Variants in NALCN observed in about 807,000 individuals in gnomAD.
NALCN encodes the protein sodium leak channel, non-selective.
Under a neutral mutation model 225.3 loss-of-function variants are expected in NALCN, and 111 were observed. That is an observed-to-expected ratio of 0.49 (90% confidence interval 0.42 to 0.58). The LOEUF (loss-of-function observed/expected upper bound fraction) is 0.58, where lower values mean the gene tolerates loss of function less well. Ranked by LOEUF, NALCN falls within the 20% of genes least tolerant of loss-of-function variation. The probability of loss-of-function intolerance (pLI) is 0.00; values close to 1 mark genes in which losing one functional copy is unlikely to be tolerated. For missense variants in NALCN, 1,378 were observed against 2,202.4 expected (o/e 0.63, Z 7.49); for synonymous variants, 764 against 769.0 (o/e 0.99, Z 0.11).
intron 9 of NALCN, among the ~76,000 whole-genome samples, chr13:101,290,621 A>G (rs907299047): frequency 6.6e-6 from 1 of 152,220 alleles, no homozygotes; most frequent in African/African-American, 2.4e-5. Context: ...TTTCATCTAT[A>G]ATGAATTGAC....
intron 40 of NALCN, among the ~76,000 whole-genome samples, chr13:101,062,438 G>A (rs909919606): frequency 1.3e-5 from 2 of 152,016 alleles, no homozygotes; most frequent in African/African-American, 4.8e-5. Context: ...GAAAAGGCTC[G>A]CGACTTTCTC....
chr13:101,165,898 G>A (rs2038415082), intron 15 of NALCN, among the ~76,000 whole-genome samples: 1 of 152,186 alleles, frequency 6.6e-6, no homozygotes, highest in African/African-American at 2.4e-5. Flanking sequence ...GAACAACAAT[G>A]GGTTTACTCC....
At chr13:101,145,989 C>T (rs2037327566) in intron 15 of NALCN, among the ~76,000 whole-genome samples, 2 of 152,092 alleles carry the variant, frequency 1.3e-5, no homozygotes, top group African/African-American at 2.4e-5. Context: ...GCTTTTAAAA[C>T]AGGAAGAGAG....
intron 15 of NALCN, among the ~76,000 whole-genome samples, chr13:101,166,062 A>G (rs905986430): frequency 2.0e-5 from 3 of 152,192 alleles, no homozygotes; most frequent in Non-Finnish European, 4.4e-5. Context: ...ATCCATGTGT[A>G]GCATGTGTCA....
At chr13:101,225,466 G>A (rs1261244685) in intron 13 of NALCN, among the ~76,000 whole-genome samples, 2 of 152,070 alleles carry the variant, frequency 1.3e-5, no homozygotes, top group East Asian at 1.9e-4. Context: ...TATAACCTCC[G>A]GGCTTGGATT....
chr13:101,300,481 C>G (rs1019615053), intron 7 of NALCN, among the ~76,000 whole-genome samples: 1 of 150,496 alleles, frequency 6.6e-6, no homozygotes, highest in African/African-American at 2.5e-5. Flanking sequence ...GATGGAGTCT[C>G]GCCCTGTCAC....
intron 10 of NALCN, among the ~76,000 whole-genome samples, chr13:101,272,123 GTGTT>G (rs756653738): frequency 2.5e-4 from 38 of 151,898 alleles, no homozygotes; most frequent in East Asian, 5.8e-4. Context: ...GTCACTGTGT[GTGTT>G]TGAGGTGTGT....
At chr13:101,228,701 T>C (rs555053830) in intron 13 of NALCN, among the ~76,000 whole-genome samples, 1 of 152,342 alleles carries the variant, frequency 6.6e-6, no homozygotes, top group South Asian at 2.1e-4. Context: ...AGTATGTCTT[T>C]ATCATCAGTG....
chr13:101,069,243 G>A (rs138425020), intron 37 of NALCN, among the ~76,000 whole-genome samples: 87 of 152,322 alleles, frequency 5.7e-4, no homozygotes, highest in African/African-American at 2.0e-3. Context: ...GGTATACCTC[G>A]GAGACATTGC....
intron 1 of NALCN, among the ~76,000 whole-genome samples, chr13:101,401,109 T>C (rs2047467039): frequency 6.6e-6 from 1 of 152,200 alleles, no homozygotes; most frequent in Non-Finnish European, 1.5e-5. Flanking sequence ...CACCTCCTAT[T>C]CCCAGAAGAA....
At chr13:101,158,022 A>C (rs1340914387) in intron 15 of NALCN, among the ~76,000 whole-genome samples, 1 of 152,126 alleles carries the variant, frequency 6.6e-6, no homozygotes, top group Non-Finnish European at 1.5e-5. Context: ...AAGTGCTGAG[A>C]TTACAGGGTG....
chr13:101,262,448 A>G (rs539603627), intron 10 of NALCN, among the ~76,000 whole-genome samples: 11 of 152,212 alleles, frequency 7.2e-5, no homozygotes, highest in African/African-American at 2.2e-4. Context: ...AGACCTATGG[A>G]AAGGAACTGA....
intron 43 of NALCN, chr13:101,057,695 T>TGCTGGCTTCTCAACCATGA: frequency 1.9e-6 from 1 of 515,368 alleles, no homozygotes. Context: ...TTTTCATAGG[T>TGCTGGCTTCTCAACCATGA]GCTGGCTTCT....
At chr13:101,252,687 A>G (rs1203798305) in intron 11 of NALCN, among the ~76,000 whole-genome samples, 1 of 152,150 alleles carries the variant, frequency 6.6e-6, no homozygotes, top group Non-Finnish European at 1.5e-5. Context: ...ATTGGAAAAC[A>G]TGACTGTCCT....
chr13:101,181,565 C>T (rs1416909646), intron 14 of NALCN, among the ~76,000 whole-genome samples: 9 of 133,546 alleles, frequency 6.7e-5, no homozygotes, highest in African/African-American at 2.7e-4. Flanking sequence ...GCAACCCTGT[C>T]TCTCAAAAAA....
chr13:101,303,714 G>A (rs1207635751), intron 7 of NALCN, among the ~76,000 whole-genome samples: 1 of 152,110 alleles, frequency 6.6e-6, no homozygotes, highest in Admixed American at 6.5e-5. Flanking sequence ...GCTTATGCCT[G>A]GAATAAAATG....
At chr13:101,256,855 C>T (rs1370827309) in intron 11 of NALCN, among the ~76,000 whole-genome samples, 1 of 151,638 alleles carries the variant, frequency 6.6e-6, no homozygotes, top group East Asian at 1.9e-4. Context: ...CCTCCGCCTC[C>T]CAGGTTCAAG....
intron 16 of NALCN, among the ~76,000 whole-genome samples, chr13:101,144,485 C>T (rs1211374509): frequency 6.6e-6 from 1 of 152,184 alleles, no homozygotes; most frequent in Non-Finnish European, 1.5e-5. Flanking sequence ...GTCCCATTCC[C>T]GAGGAGTCAT....
rs1003793489 is a variant in NALCN, at chr13:101,278,431, G to A, written c.1134+5502C>T. Among the ~76,000 whole-genome samples the A allele has an allele frequency of 2.0e-5, 3 of 149,646 alleles. No individual in the cohort carries two copies. The Admixed American group carries it at 2.0e-4, about 10-fold the overall frequency. ...CCAGCTACTCTGGAGGCTGAGGCAGGAGAATCACTTGAACCTGGGAGGCGG... is the reference window on the plus strand; with the variant it reads ...CCAGCTACTCTGGAGGCTGAGGCAGAAGAATCACTTGAACCTGGGAGGCGG... On this transcript the variant is annotated intron_variant, in intron 10 of 43. Transcript: ENST00000251127.
Sources: gnomAD v4.1 joint callset for allele counts (sites outside exome capture counted in the v4.1 genomes callset) on GRCh38, gnomAD v4.1.1 for gene constraint, MANE v1.5 for transcripts, NCBI Gene and HGNC (gene_info 2026-07-23, HGNC 2026-07-21) for gene names.